CUL9: variants seen among roughly 807,000 people sequenced by gnomAD.
The protein encoded by CUL9 is cullin-9.
CUL9 carries 79 observed loss-of-function variants against 272.6 expected under a neutral mutation model. The ratio of observed to expected loss-of-function variants is 0.29; its 90% CI spans 0.24 to 0.35. The LOEUF (loss-of-function observed/expected upper bound fraction) is 0.35, where lower values mean the gene tolerates loss of function less well. CUL9 is among the 10% of genes least tolerant of loss of function. The pLI is 1.00. For synonymous variants in CUL9, 1,186 were observed against 1,286.5 expected (o/e 0.92, Z 1.67); for missense variants, 2,532 against 3,255.6 (o/e 0.78, Z 5.41).
At chr6:43,196,973 T>C in intron 11 of CUL9, 111 bp downstream of exon 11, 1 of 902,152 alleles carries the variant, frequency 1.1e-6, no homozygotes, top group Non-Finnish European at 1.7e-6. Context: ...TGAGCAAGCA[T>C]TGTGCTCAAG....
Position 43,196,581 on chromosome 6 carries a change from G to T in CUL9, c.2586-64G>T, listed in dbSNP as rs1462248729. The T allele has an allele frequency of 2.8e-6, 4 of 1,416,638 alleles. No individual in the cohort carries two copies. In the African/African-American group the frequency reaches 5.6e-5, roughly 20 times the overall value. 87.8% of individuals were successfully genotyped at this position (1,416,638 alleles called of 1,614,324 possible). ...CCTAGCTGCCCGGCCTTCTATGCTT[G>T]CTTTGCTGCTTCCATTGCATTCATG... On this transcript the variant is annotated intron_variant, in intron 10 of 40. Coordinates refer to ENST00000252050, the MANE Select transcript of CUL9 (RefSeq NM_015089.4).
chr6:43,210,487 A>C (rs1355626038), intron 26 of CUL9, among the ~76,000 whole-genome samples: 1 of 152,120 alleles, frequency 6.6e-6, no homozygotes, highest in Admixed American at 6.5e-5. Context: ...CTCCACTCAT[A>C]TAGTTAATAT....
In CUL9 at chr6:43,221,015, C is replaced by T. The variant is rs1776320432; in HGVS notation, c.6588+104C>T. ...ACACAGACTGTGACTTGTCCTTCCT[C>T]AGCCTCTGCCACCCAGTTGAGCTCT... is the stretch of plus-strand genomic sequence containing the variant. On this transcript the variant is annotated intron_variant, in intron 33 of 40. Coordinates refer to ENST00000252050, the MANE Select transcript of CUL9 (RefSeq NM_015089.4). The surrounding 1 kb of genome is among the most constrained non-coding windows in gnomAD (Gnocchi z 4.2). The T allele has an allele frequency of 1.0e-5, 15 of 1,473,396 alleles. No individual in the cohort carries two copies. The highest frequency in any genetic ancestry group is 7.0e-5 in the African/African-American group (5 of 71,542). 91.3% of individuals were successfully genotyped at this position (1,473,396 alleles called of 1,614,324 possible).
Position 43,224,130 on chromosome 6 carries a change from G to A in CUL9, c.7320G>A (p.Glu2440=), listed in dbSNP as rs780320506. ...TTGGTCTTCAGAGTCCATCAGTAGA[G>A]GCCTGGGAGGCAAAAGGACCCAACA... The part of the protein sequence containing the change: ...FRVGLQSPSV[E]AWEAKGPNMP... Residue 2440 remains glutamate (E), a synonymous_variant, in exon 40 of 41, where the codon GAG becomes GAA. Coordinates refer to ENST00000252050, the MANE Select transcript of CUL9 (RefSeq NM_015089.4). This position sits in a 1 kb window ranked among gnomAD's most constrained non-coding sequence, Gnocchi z 4.2. 5 of 1,614,222 alleles carry A rather than the reference G, an allele frequency of 3.1e-6. No homozygotes were observed. Among genetic ancestry groups the A allele is most frequent in the Middle Eastern group, 1.7e-4 (1 of 6,060 alleles).
intron 24 of CUL9, 72 bp downstream of exon 24, chr6:43,205,495 G>T: frequency 6.5e-7 from 1 of 1,528,746 alleles, no homozygotes; most frequent in Non-Finnish European, 9.0e-7. Flanking sequence ...GAGTCTTATA[G>T]GGGAGATGAG....
intron 31 of CUL9, among the ~76,000 whole-genome samples, chr6:43,219,190 A>AAG (rs141684867): frequency 0.092 from 13,758 of 150,046 alleles, 707 homozygotes; most frequent in Non-Finnish European, 0.12. Context: ...CTTTGTTTAA[A>AAG]AGAGAGAGAG....
At position 43,199,967 on chromosome 6, in the gene CUL9, C is replaced by G; in HGVS notation, c.3195C>G (p.Ala1065=). ...QELTCFLHRL[A]SMHKDYAVVL... ...TGACCTGCTTCCTACATCGCCTGGC[C>G]TCGATGCATAAGGACTATGCTGTGG... The change falls in exon 14 of 41, where the codon GCC becomes GCG. Residue 1065 remains alanine, a synonymous_variant. Coordinates refer to ENST00000252050, the MANE Select transcript of CUL9 (RefSeq NM_015089.4). This position sits in a 1 kb window ranked among gnomAD's most constrained non-coding sequence, Gnocchi z 4.4. The G allele has an allele frequency of 6.2e-7, 1 of 1,614,190 alleles. No homozygotes were observed. Among genetic ancestry groups the G allele is most frequent in the South Asian group, 1.1e-5 (1 of 91,088 alleles).
At chr6:43,201,179 G>T (rs1774496936) in intron 16 of CUL9, among the ~76,000 whole-genome samples, 1 of 152,192 alleles carries the variant, frequency 6.6e-6, no homozygotes, top group South Asian at 2.1e-4. Context: ...AGGACAATAA[G>T]ATATGGTACC....
chr6:43,199,828 C>A lies in CUL9; in HGVS notation c.3157-101C>A. 1.0e-6 allele frequency: 1 copy of A among 974,216 alleles called. No individual in the cohort carries two copies. The highest frequency in any genetic ancestry group is 1.6e-6 in the Non-Finnish European group (1 of 625,938). 60.3% of individuals were successfully genotyped at this position (974,216 alleles called of 1,614,324 possible). On this transcript the variant is annotated intron_variant, in intron 13 of 40. Transcript: ENST00000252050. This position sits in a 1 kb window ranked among gnomAD's most constrained non-coding sequence, Gnocchi z 4.4. ...TTCCCTGGGCGTTGGCATGTCTCCA[C>A]AATCTCAGCCACGACACTTCCTTTA...
rs755642346 is a variant in CUL9, at chr6:43,213,404, C to T, written c.5359-34C>T. On this transcript the variant is annotated intron_variant, in intron 27 of 40. Coordinates refer to ENST00000252050, the MANE Select transcript of CUL9 (RefSeq NM_015089.4). This position sits in a 1 kb window ranked among gnomAD's most constrained non-coding sequence, Gnocchi z 5.7. The stretch of plus-strand genomic sequence containing the variant: ...CTTACTCCCCTCTTCCTTTTCTTTC[C>T]TTTGACTCCTGACTGGGCGTTTCTG... 1 of 1,612,426 alleles carries T rather than the reference C, an allele frequency of 6.2e-7. No homozygotes were observed. Among genetic ancestry groups the T allele is most frequent in the African/African-American group, 1.3e-5 (1 of 74,868 alleles).
At position 43,218,280 on chromosome 6, in the gene CUL9, G is replaced by T. The variant is rs567570603; in HGVS notation, c.6282+1777G>T. ...CACCCAGGCTGCAGTGCAGTGGCGC[G>T]ATCTCGGCTCATTGCAACCTCCATC... On this transcript the variant is annotated intron_variant, in intron 31 of 40. Coordinates refer to ENST00000252050, the MANE Select transcript of CUL9 (RefSeq NM_015089.4). This position sits in a 1 kb window ranked among gnomAD's most constrained non-coding sequence, Gnocchi z 4.4. 6.6e-6 allele frequency among the ~76,000 whole-genome samples: 1 copy of T among 151,986 alleles called. No individual in the cohort carries two copies. The highest frequency in any genetic ancestry group is 1.5e-5 in the Non-Finnish European group (1 of 67,992).
At chr6:43,185,351 A>T in intron 2 of CUL9, 105 bp from the exon 3 acceptor site, 2 of 1,133,656 alleles carry the variant, frequency 1.8e-6, no homozygotes, top group Non-Finnish European at 2.5e-6. Context: ...TGTGAGCCTT[A>T]GTAACAAAGT....
In CUL9 at chr6:43,213,717, G is replaced by T. The variant is rs1466375154; in HGVS notation, c.5493G>T (p.Val1831=). Residue 1831 remains valine (V), a synonymous_variant, in exon 29 of 41, where the codon GTG becomes GTT. Transcript: ENST00000252050. This position sits in a 1 kb window ranked among gnomAD's most constrained non-coding sequence, Gnocchi z 5.7. ...CTGACCGGGAGCGGGTTCCAGGTGT[G>T]CTGCGGCTTCATGAGCCTGGGCCCC... The part of the protein sequence containing the change: ...HEGQDFPHGG[V]LRLHEPGPQR... 6.2e-7 allele frequency: 1 copy of T among 1,612,842 alleles called. No homozygotes were observed. Among genetic ancestry groups the T allele is most frequent in the South Asian group, 1.1e-5 (1 of 91,036 alleles).
chr6:43,204,339 TCCTGA>T lies in CUL9; in HGVS notation c.4160-16_4160-12del, dbSNP rs777572480. 9.3e-6 allele frequency: 15 copies of T among 1,612,850 alleles called. No individual in the cohort carries two copies. Among genetic ancestry groups the T allele is most frequent in the Non-Finnish European group, 1.7e-6 (2 of 1,178,984 alleles). On this transcript the variant is annotated splice_polypyrimidine_tract_variant and intron_variant, in intron 20 of 40. Transcript: ENST00000252050. ...TCTCCCATCTCCCATGGAGACCTGT[TCCTGA>T]CCTGTCTTCTTTCAGATGCGGAAGG...
At chr6:43,189,731 C>T (rs545084965) in intron 8 of CUL9, among the ~76,000 whole-genome samples, 15 of 152,008 alleles carry the variant, frequency 9.9e-5, no homozygotes, top group East Asian at 1.9e-4. Context: ...TTAGTAGAGA[C>T]GGGGTTTCAC....
chr6:43,216,573 C>T (rs1775954374), intron 31 of CUL9, 70 bp downstream of exon 31: 2 of 1,418,160 alleles, frequency 1.4e-6, no homozygotes, highest in African/African-American at 2.8e-5. Flanking sequence ...CTTGGGAATT[C>T]TTGGGTTCTA....
intron 11 of CUL9, chr6:43,198,362 T>C (rs1774198108): frequency 1.0e-6 from 1 of 978,652 alleles, no homozygotes; most frequent in Non-Finnish European, 1.2e-6. Flanking sequence ...AATAGGACTA[T>C]AAGAGATTTA....
chr6:43,205,223 C>T lies in CUL9; in HGVS notation c.4633-40C>T, dbSNP rs776681639. On this transcript the variant is annotated intron_variant, in intron 23 of 40. Coordinates refer to ENST00000252050, the MANE Select transcript of CUL9 (RefSeq NM_015089.4). ...GCTCCCCAGTCTCCTACTCCACTCC[C>T]TCATTCATGGTTTGCTCATGCCCTT... 3 of 1,604,108 alleles carry T rather than the reference C, an allele frequency of 1.9e-6. No individual in the cohort carries two copies. In the African/African-American group the frequency reaches 4.0e-5, roughly 21 times the overall value.
At position 43,218,197 on chromosome 6, in the gene CUL9, ATTAT is replaced by A. The variant is rs761744191; in HGVS notation, c.6282+1705_6282+1708del. ...GGTTTACATTTTTTATTTTTATTATATTATTTATTTATTTTTATTTTATTATTAT... is the reference window on the plus strand; with the variant it reads ...GGTTTACATTTTTTATTTTTATTATATTATTTATTTTTATTTTATTATTAT... On this transcript the variant is annotated intron_variant, in intron 31 of 40. Transcript: ENST00000252050. This position sits in a 1 kb window ranked among gnomAD's most constrained non-coding sequence, Gnocchi z 4.4. Among the ~76,000 whole-genome samples the A allele has an allele frequency of 2.0e-4, 31 of 151,348 alleles. No homozygotes were observed. In the South Asian group the frequency reaches 3.5e-3, roughly 17 times the overall value.
Sources: gnomAD v4.1 joint callset for allele counts (sites outside exome capture counted in the v4.1 genomes callset) on GRCh38, gnomAD v4.1.1 for gene constraint, Gnocchi (gnomAD v3.1) non-coding constraint, MANE v1.5 for transcripts, NCBI Gene and HGNC (gene_info 2026-07-23, HGNC 2026-07-21) for gene names.